MEIG1: variants seen among roughly 807,000 people sequenced by gnomAD.
The protein encoded by MEIG1 is meiosis/spermiogenesis associated 1.
A neutral mutation model predicts 11.3 loss-of-function variants in MEIG1; 12 were observed. That is an observed-to-expected ratio of 1.07 (90% confidence interval 0.68 to 1.73). The LOEUF (loss-of-function observed/expected upper bound fraction) is 1.73. MEIG1 is among the 40% of genes most tolerant of loss of function. The pLI, the probability that MEIG1 is intolerant of heterozygous loss-of-function variation, is 0.00. For missense variants in MEIG1, 119 were observed against 104.9 expected (o/e 1.13, Z -0.59); for synonymous variants, 41 against 33.2 (o/e 1.24, Z -0.81).
At chr10:14,981,211 T>C (rs1201209569) in intron 1 of MEIG1, among the ~76,000 whole-genome samples, 1 of 148,706 alleles carries the variant, frequency 6.7e-6, no homozygotes, top group Non-Finnish European at 1.5e-5. Context: ...TGGCCACCGC[T>C]TAGCCAGAGC....
At position 14,972,532 on chromosome 10, in the gene MEIG1, C is replaced by G; in HGVS notation, c.158C>G (p.Thr53Arg). ...GTGCAGGTAGATCGTTGGCCGGAGA[C>G]AGGATATGTGAAGAAACTTCAGAGA... is the stretch of plus-strand genomic sequence containing the variant. ...QVSMVDRWPE[T>R]GYVKKLQRRD... Residue 53 changes from threonine to arginine, a missense_variant, in exon 3 of 3, where the codon ACA becomes AGA. Physicochemically the swap from Thr to Arg is moderately conservative, Grantham distance 71 (BLOSUM62 -1). Transcript: ENST00000407572. The G allele has an allele frequency of 6.2e-7, 1 of 1,613,960 alleles. No homozygotes were observed. Among genetic ancestry groups the G allele is most frequent in the Non-Finnish European group, 8.5e-7 (1 of 1,179,944 alleles).
intron 1 of MEIG1, among the ~76,000 whole-genome samples, chr10:14,984,615 A>G (rs1325662551): frequency 6.6e-6 from 1 of 152,002 alleles, no homozygotes. Flanking sequence ...GTCACCTCTT[A>G]TGTCACAGGG....
intron 1 of MEIG1, among the ~76,000 whole-genome samples, chr10:14,981,532 G>A (rs1216773160): frequency 6.6e-6 from 1 of 152,086 alleles, no homozygotes; most frequent in African/African-American, 2.4e-5. Context: ...GGATAAGGGG[G>A]CGACCGGGGC....
chr10:14,954,803 T>A (rs1399599323), upstream of MEIG1, among the ~76,000 whole-genome samples: 2 of 152,200 alleles, frequency 1.3e-5, no homozygotes, highest in Non-Finnish European at 2.9e-5. Context: ...AAAAGGTTTG[T>A]TAAACCTTTT....
chr10:14,979,642 T>A (rs1341823058), intron 1 of MEIG1, among the ~76,000 whole-genome samples: 1 of 151,974 alleles, frequency 6.6e-6, no homozygotes, highest in Non-Finnish European at 1.5e-5. Context: ...TTACTTGTAA[T>A]GTCACATGGG....
chr10:14,957,878 C>G (rs546081690), upstream of MEIG1, among the ~76,000 whole-genome samples: 1 of 152,130 alleles, frequency 6.6e-6, no homozygotes, highest in Admixed American at 6.6e-5. Flanking sequence ...GAACTCCTGA[C>G]CTCGTGATCT....
upstream of MEIG1, among the ~76,000 whole-genome samples, chr10:14,956,598 CAAAA>C (rs955482031): frequency 6.6e-6 from 1 of 151,792 alleles, no homozygotes; most frequent in Admixed American, 6.6e-5. Context: ...CAAAACAAAA[CAAAA>C]AAACACAACA....
intron 1 of MEIG1, among the ~76,000 whole-genome samples, chr10:14,984,723 G>C (rs888944379): frequency 4.6e-5 from 7 of 152,026 alleles, no homozygotes; most frequent in Non-Finnish European, 7.4e-5. Context: ...TCCTATTCTA[G>C]GGAAATGTGA....
chr10:14,961,638 A>ATTCTTTTTTTTTTTTTTTTTT (rs1843013954), intron 1 of MEIG1, among the ~76,000 whole-genome samples: 1 of 76,594 alleles, frequency 1.3e-5, no homozygotes, highest in Non-Finnish European at 2.6e-5. Flanking sequence ...CATCCGGCTA[A>ATTCTTTTTTTTTTTTTTTTTT]TTTTTTTTTT....
At chr10:14,963,469 T>TTA (rs1471291790) in intron 1 of MEIG1, among the ~76,000 whole-genome samples, 1 of 152,220 alleles carries the variant, frequency 6.6e-6, no homozygotes. Flanking sequence ...ATGTTTCATA[T>TTA]TATATATATG....
At chr10:14,981,538 G>A (rs539108806) in intron 1 of MEIG1, among the ~76,000 whole-genome samples, 4 of 152,202 alleles carry the variant, frequency 2.6e-5, no homozygotes, top group African/African-American at 7.2e-5. Context: ...GGGGGCGACC[G>A]GGGCGGTTAC....
chr10:14,975,162 T>C (rs982902755), downstream of MEIG1, among the ~76,000 whole-genome samples: 3 of 152,138 alleles, frequency 2.0e-5, no homozygotes, highest in Non-Finnish European at 4.4e-5. Context: ...AAGAGAATGC[T>C]ATTACTCCCG....
chr10:14,966,936 T>C (rs1009549194), intron 2 of MEIG1, among the ~76,000 whole-genome samples: 4 of 151,996 alleles, frequency 2.6e-5, no homozygotes, highest in African/African-American at 9.7e-5. Context: ...TTTTGCCGTG[T>C]TTGGCCAGGC....
At chr10:14,972,985 C>T (rs1329137960), downstream of MEIG1, 2 of 205,538 alleles carry the variant, frequency 9.7e-6, no homozygotes, top group Non-Finnish European at 2.0e-5. Context: ...CATGCCTCAG[C>T]CTCCCAAGTA....
At chr10:14,984,217 AC>A (rs780003044) in intron 1 of MEIG1, among the ~76,000 whole-genome samples, 2 of 138,736 alleles carry the variant, frequency 1.4e-5, no homozygotes, top group Non-Finnish European at 3.1e-5. Context: ...GGGGGAGCCC[AC>A]CCCCCTGCGA....
upstream of MEIG1, among the ~76,000 whole-genome samples, chr10:14,958,615 G>C (rs1374498178): frequency 2.6e-5 from 4 of 152,144 alleles, no homozygotes; most frequent in African/African-American, 9.7e-5. Flanking sequence ...CATGTAAATT[G>C]GCCGGGCGCG....
At chr10:14,960,641 A>G (rs1047695609) in intron 1 of MEIG1, among the ~76,000 whole-genome samples, 1 of 151,792 alleles carries the variant, frequency 6.6e-6, no homozygotes, top group South Asian at 2.1e-4. Context: ...GATGGTCTCG[A>G]TCTCCTGACC....
At chr10:14,964,520 T>C (rs10906785) in intron 1 of MEIG1, among the ~76,000 whole-genome samples, 95,626 of 149,164 alleles carry the variant, frequency 0.64, 31,019 homozygotes, top group Admixed American at 0.68. Flanking sequence ...TTCTAATTAA[T>C]GTCATGCTTA....
intron 1 of MEIG1, among the ~76,000 whole-genome samples, chr10:14,961,848 C>T (rs1210834931): frequency 1.3e-5 from 2 of 151,672 alleles, no homozygotes; most frequent in Non-Finnish European, 2.9e-5. Flanking sequence ...ATTCTTGTCT[C>T]CCAGGCTGGA....
Sources: gnomAD v4.1 joint callset for allele counts (sites outside exome capture counted in the v4.1 genomes callset) on GRCh38, gnomAD v4.1.1 for gene constraint, MANE v1.5 for transcripts, NCBI Gene and HGNC (gene_info 2026-07-23, HGNC 2026-07-21) for gene names.